ADCK1: variants seen among roughly 807,000 people sequenced by gnomAD.
ADCK1 encodes the protein aarF domain containing kinase 1, also known as aarF domain-containing protein kinase 1.
A neutral mutation model predicts 52.3 loss-of-function variants in ADCK1; 41 were observed. The observed-to-expected ratio is 0.78, with a 90% confidence interval of 0.61 to 1.02. The LOEUF (loss-of-function observed/expected upper bound fraction) is 1.02. ADCK1 is among the 50% of genes least tolerant of loss of function. The pLI is 0.00. For missense variants in ADCK1, 658 were observed against 679.5 expected (o/e 0.97, Z 0.35); for synonymous variants, 250 against 274.6 (o/e 0.91, Z 0.89).
At chr14:77,833,961 A>C (rs900218211) in intron 3 of ADCK1, among the ~76,000 whole-genome samples, 6 of 152,190 alleles carry the variant, frequency 3.9e-5, no homozygotes, top group African/African-American at 1.2e-4. Flanking sequence ...CCTAAGACAA[A>C]GTGTAAAAAG....
At chr14:77,809,411 T>C (rs10132149) in intron 1 of ADCK1, among the ~76,000 whole-genome samples, 4,449 of 152,100 alleles carry the variant, frequency 0.029, 211 homozygotes, top group African/African-American at 0.099. Context: ...CTCACTACAA[T>C]TACCGCCTCC....
At chr14:77,907,950 G>T in intron 7 of ADCK1, 31 bp downstream of exon 7, 1 of 1,593,008 alleles carries the variant, frequency 6.3e-7, no homozygotes, top group South Asian at 1.1e-5. Context: ...CTGCTGTGCC[G>T]GGGAACGTGG....
chr14:77,849,030 A>G (rs1000892442), intron 3 of ADCK1, among the ~76,000 whole-genome samples: 1 of 151,988 alleles, frequency 6.6e-6, no homozygotes, highest in Non-Finnish European at 1.5e-5. Context: ...GGGTTTCACC[A>G]TGTTAGCCAG....
intron 6 of ADCK1, chr14:77,902,357 T>A (rs2140245598): frequency 1.3e-5 from 2 of 152,284 alleles, no homozygotes; most frequent in South Asian, 4.2e-4. Context: ...TGGCTGCCAT[T>A]GTCGGTGTGG....
chr14:77,819,176 T>C (rs1566634168), intron 2 of ADCK1, 63 bp downstream of exon 2: 2 of 1,601,834 alleles, frequency 1.2e-6, no homozygotes, highest in Non-Finnish European at 1.7e-6. Context: ...TGTTCATACA[T>C]GTAGCAGATA....
chr14:77,929,603 C>T (rs2084277855), intron 9 of ADCK1, among the ~76,000 whole-genome samples: 6 of 152,212 alleles, frequency 3.9e-5, no homozygotes, highest in Admixed American at 3.9e-4. Context: ...ATCCAGATTC[C>T]CTGCTGGGGC....
chr14:77,835,921 C>T (rs1277162411), intron 3 of ADCK1, among the ~76,000 whole-genome samples: 1 of 152,192 alleles, frequency 6.6e-6, no homozygotes, highest in Non-Finnish European at 1.5e-5. Context: ...TAAGCATGAG[C>T]CCTGCCAAAA....
At chr14:77,815,199 CTTT>C (rs56211176) in intron 1 of ADCK1, among the ~76,000 whole-genome samples, 75 of 129,416 alleles carry the variant, frequency 5.8e-4, no homozygotes, top group South Asian at 1.4e-3. Flanking sequence ...TTTGTTTTGT[CTTT>C]TTTTTTTTTT....
intron 5 of ADCK1, among the ~76,000 whole-genome samples, chr14:77,894,673 C>G (rs749275561): frequency 1.3e-5 from 2 of 150,528 alleles, no homozygotes; most frequent in Non-Finnish European, 3.0e-5. Context: ...ATGATAATTC[C>G]CCTTCTCTTT....
At chr14:77,847,442 C>T (rs1292426832) in intron 3 of ADCK1, among the ~76,000 whole-genome samples, 3 of 152,078 alleles carry the variant, frequency 2.0e-5, no homozygotes, top group Non-Finnish European at 2.9e-5. Context: ...TGGTGGCAGG[C>T]GCCTGTAGTC....
chr14:77,932,612 G>A (rs919041216), intron 10 of ADCK1, among the ~76,000 whole-genome samples: 1 of 152,110 alleles, frequency 6.6e-6, no homozygotes, highest in Non-Finnish European at 1.5e-5. Context: ...CGTATATCAC[G>A]TACCCACTAT....
At chr14:77,816,424 ATTG>A (rs1324309391) in intron 1 of ADCK1, among the ~76,000 whole-genome samples, 1 of 82,186 alleles carries the variant, frequency 1.2e-5, no homozygotes, top group Non-Finnish European at 3.2e-5. Flanking sequence ...CACCTTTCTG[ATTG>A]TGGATCTTAA....
intron 4 of ADCK1, among the ~76,000 whole-genome samples, chr14:77,875,399 T>C (rs2082876642): frequency 6.6e-6 from 1 of 151,914 alleles, no homozygotes; most frequent in Non-Finnish European, 1.5e-5. Context: ...AGCGAGTGGG[T>C]TGTGGTCAGA....
intron 3 of ADCK1, among the ~76,000 whole-genome samples, chr14:77,846,998 T>C (rs1469991990): frequency 1.3e-5 from 2 of 152,034 alleles, no homozygotes; most frequent in African/African-American, 4.8e-5. Flanking sequence ...GTAACATCAC[T>C]TGTGAGAGGG....
At chr14:77,857,640 CT>C (rs1278223150) in intron 3 of ADCK1, among the ~76,000 whole-genome samples, 1 of 152,210 alleles carries the variant, frequency 6.6e-6, no homozygotes, top group Non-Finnish European at 1.5e-5. Flanking sequence ...AAAAAAACTT[CT>C]TAATTTCTAA....
In ADCK1 at chr14:77,855,051, C is replaced by T. The variant is rs369150932; in HGVS notation, c.220-4025C>T. Reference sequence around the variant, plus strand: ...GTTTACCCTGCCTTGACCTTTCCTTCGCATGGAATAGCAGCAAAGACTCTT... The same window carrying T: ...GTTTACCCTGCCTTGACCTTTCCTTTGCATGGAATAGCAGCAAAGACTCTT... On this transcript the variant is annotated intron_variant, in intron 3 of 10. Transcript: ENST00000238561. Among the ~76,000 whole-genome samples the T allele has an allele frequency of 6.6e-5, 10 of 152,348 alleles. No homozygotes were observed. The South Asian group carries it at 1.2e-3, about 19-fold the overall frequency.
intron 3 of ADCK1, among the ~76,000 whole-genome samples, chr14:77,847,619 G>A (rs1352477391): frequency 6.6e-6 from 1 of 152,112 alleles, no homozygotes; most frequent in South Asian, 2.1e-4. Flanking sequence ...GGCCAGTGAG[G>A]CAGTGAGGAC....
chr14:77,882,956 ACC>A (rs11303286), intron 4 of ADCK1, among the ~76,000 whole-genome samples: 12,872 of 98,878 alleles, frequency 0.13, 911 homozygotes, highest in African/African-American at 0.25. Context: ...TTCTTACACC[ACC>A]CCCCCCCCCG....
chr14:77,895,792 A>T (rs1468435011), intron 5 of ADCK1, among the ~76,000 whole-genome samples: 1 of 152,166 alleles, frequency 6.6e-6, no homozygotes, highest in Non-Finnish European at 1.5e-5. Context: ...CTGAATTTCA[A>T]GGGGTTGGTG....
Sources: allele counts gnomAD v4.1 joint callset (sites outside exome capture counted in the v4.1 genomes callset), GRCh38; gene constraint gnomAD v4.1.1; transcripts MANE v1.5; gene names NCBI Gene and HGNC (gene_info 2026-07-23, HGNC 2026-07-21).